Variants in TRPM3 observed in about 807,000 individuals in gnomAD.
The protein encoded by TRPM3 is transient receptor potential cation channel subfamily M member 3, also known as long transient receptor potential channel 3.
Under a neutral mutation model 181.2 loss-of-function variants are expected in TRPM3, and 77 were observed. The ratio of observed to expected loss-of-function variants is 0.42; its 90% CI spans 0.35 to 0.51. The LOEUF is 0.51. Ranked by LOEUF, TRPM3 falls within the 20% of genes least tolerant of loss-of-function variation. TRPM3 has a pLI of 0.01. For synonymous variants in TRPM3, 745 were observed against 796.4 expected, an observed-to-expected ratio of 0.94 and a Z score of 1.09; for missense variants, 1,759 against 2,196.7, an observed-to-expected ratio of 0.80 and a Z score of 3.98.
At chr9:70,928,733 G>C (rs1196598895) in intron 1 of TRPM3, among the ~76,000 whole-genome samples, 1 of 152,190 alleles carries the variant, frequency 6.6e-6, no homozygotes, top group Non-Finnish European at 1.5e-5. Flanking sequence ...GATGTACAGA[G>C]GGGTGTGGTT....
chr9:70,944,857 C>T (rs2096917520), intron 1 of TRPM3, among the ~76,000 whole-genome samples: 1 of 151,398 alleles, frequency 6.6e-6, no homozygotes. Flanking sequence ...TATCTTCTCC[C>T]ATTGCATAGA....
intron 1 of TRPM3, among the ~76,000 whole-genome samples, chr9:71,306,548 T>C (rs1447670172): frequency 6.6e-6 from 1 of 152,232 alleles, no homozygotes. Context: ...ACTATTCTGA[T>C]ATCTATAAGC....
At chr9:70,762,140 CATGT>C (rs2078259937) in intron 7 of TRPM3, among the ~76,000 whole-genome samples, 1 of 152,110 alleles carries the variant, frequency 6.6e-6, no homozygotes, top group Non-Finnish European at 1.5e-5. Context: ...ATTGCAGCGT[CATGT>C]CTAATTGTGG....
intron 1 of TRPM3, among the ~76,000 whole-genome samples, chr9:71,213,074 A>G (rs1057129011): frequency 2.0e-5 from 3 of 152,194 alleles, no homozygotes; most frequent in African/African-American, 7.2e-5. Context: ...GTGTCCACAA[A>G]TGTTTTCTCT....
intron 1 of TRPM3, among the ~76,000 whole-genome samples, chr9:70,954,092 T>C (rs1476173417): frequency 6.6e-6 from 1 of 152,112 alleles, no homozygotes; most frequent in Non-Finnish European, 1.5e-5. Flanking sequence ...ACTCTGATCA[T>C]TTCGGGACAA....
At chr9:70,662,497 C>T (rs148810854) in intron 9 of TRPM3, among the ~76,000 whole-genome samples, 130 of 151,958 alleles carry the variant, frequency 8.6e-4, no homozygotes, top group African/African-American at 3.1e-3. Context: ...ACTATGCATC[C>T]AACAAAGGTC....
chr9:70,935,591 G>T (rs961968560), intron 1 of TRPM3, among the ~76,000 whole-genome samples: 1 of 152,002 alleles, frequency 6.6e-6, no homozygotes, highest in Non-Finnish European at 1.5e-5. Flanking sequence ...ATGACCTTTT[G>T]GTATCTACCT....
At chr9:70,753,996 G>C (rs1361124410) in intron 8 of TRPM3, among the ~76,000 whole-genome samples, 1 of 152,114 alleles carries the variant, frequency 6.6e-6, no homozygotes, top group Non-Finnish European at 1.5e-5. Flanking sequence ...ACAACCATGG[G>C]GCTTACAATG....
chr9:70,541,509 C>CTTTTT (rs200435839), intron 25 of TRPM3, among the ~76,000 whole-genome samples: 10 of 118,626 alleles, frequency 8.4e-5, no homozygotes, highest in Non-Finnish European at 1.4e-4. Flanking sequence ...TTCCTTTAAT[C>CTTTTT]TTTTTTTTTT....
At chr9:71,430,405 T>C (rs2131603839) in intron 1 of TRPM3, among the ~76,000 whole-genome samples, 1 of 152,316 alleles carries the variant, frequency 6.6e-6, no homozygotes, top group East Asian at 1.9e-4. Flanking sequence ...TTCAATTCTA[T>C]GGTCACTACT....
chr9:70,921,918 T>TACACAC (rs10651774), intron 1 of TRPM3, among the ~76,000 whole-genome samples: 19,114 of 139,860 alleles, frequency 0.14, 1,359 homozygotes, highest in Non-Finnish European at 0.16. Flanking sequence ...GCAGCCACTA[T>TACACAC]ACACACACAC....
chr9:71,374,346 T>C (rs1466927107), intron 1 of TRPM3, among the ~76,000 whole-genome samples: 4 of 151,872 alleles, frequency 2.6e-5, no homozygotes, highest in African/African-American at 7.3e-5. Flanking sequence ...TGCACTCCAG[T>C]CTGGGCAACA....
chr9:70,961,734 T>C (rs886214698), intron 1 of TRPM3, among the ~76,000 whole-genome samples: 47 of 152,190 alleles, frequency 3.1e-4, no homozygotes, highest in African/African-American at 1.1e-3. Flanking sequence ...TGTCATATTA[T>C]TTTCTTGTTT....
intron 1 of TRPM3, among the ~76,000 whole-genome samples, chr9:71,221,111 G>A (rs1370128568): frequency 6.6e-6 from 1 of 152,174 alleles, no homozygotes; most frequent in African/African-American, 2.4e-5. Flanking sequence ...CACCATGTCT[G>A]AGGGAGTTCT....
chr9:70,929,315 C>T (rs149281083), intron 1 of TRPM3, among the ~76,000 whole-genome samples: 170 of 152,116 alleles, frequency 1.1e-3, no homozygotes, highest in African/African-American at 4.1e-3. Context: ...AATTGTTCTG[C>T]CTCAGCCTCT....
At chr9:71,032,167 T>G (rs1360010339) in intron 1 of TRPM3, among the ~76,000 whole-genome samples, 5 of 106,522 alleles carry the variant, frequency 4.7e-5, no homozygotes, top group Admixed American at 1.4e-4. Flanking sequence ...TTATATAATA[T>G]ATTATATATA....
chr9:71,045,566 G>A (rs2059337546), intron 1 of TRPM3, among the ~76,000 whole-genome samples: 1 of 152,166 alleles, frequency 6.6e-6, no homozygotes, highest in Non-Finnish European at 1.5e-5. Flanking sequence ...TTATGAGATG[G>A]TTGATGGGTC....
intron 1 of TRPM3, among the ~76,000 whole-genome samples, chr9:71,151,443 A>G (rs77350553): frequency 0.023 from 3,540 of 152,200 alleles, 133 homozygotes; most frequent in African/African-American, 0.08. Context: ...TTCATCTATC[A>G]GATTGGTAAA....
chr9:71,317,717 G>A (rs1187121313), intron 1 of TRPM3, among the ~76,000 whole-genome samples: 1 of 151,622 alleles, frequency 6.6e-6, no homozygotes, highest in African/African-American at 2.4e-5. Context: ...GAGAGAGAAG[G>A]TGCAACAAAA....
Sources: gnomAD v4.1 joint callset for allele counts (sites outside exome capture counted in the v4.1 genomes callset) on GRCh38, gnomAD v4.1.1 for gene constraint, MANE v1.5 for transcripts, NCBI Gene and HGNC (gene_info 2026-07-23, HGNC 2026-07-21) for gene names.